CDH18: variants seen among roughly 807,000 people sequenced by gnomAD.
CDH18 encodes the protein cadherin 18.
In CDH18, 31 loss-of-function variants were observed where a neutral mutation model predicts 67.9. That is an observed-to-expected ratio of 0.46 (90% CI 0.34 to 0.62). The LOEUF is 0.62. Among genes scored for constraint, CDH18 ranks in the 20% least tolerant of loss-of-function variants. The pLI, the probability that CDH18 is intolerant of heterozygous loss-of-function variation, is 0.01. For synonymous variants in CDH18, 362 were observed against 347.2 expected (o/e 1.04, Z -0.48); for missense variants, 890 against 975.5 (o/e 0.91, Z 1.17).
chr5:19,544,049 A>C, intron 8 of CDH18, 44 bp from the exon 9 acceptor site: 1 of 1,057,138 alleles, frequency 9.5e-7, no homozygotes, highest in African/African-American at 1.6e-5. Flanking sequence ...TATAATGAAG[A>C]AAATACAACT....
intron 2 of CDH18, among the ~76,000 whole-genome samples, chr5:20,184,416 A>G (rs1046825603): frequency 6.6e-6 from 1 of 152,042 alleles, no homozygotes; most frequent in Non-Finnish European, 1.5e-5. Flanking sequence ...ATTTTGTTTT[A>G]TTTTTGTACT....
intron 2 of CDH18, among the ~76,000 whole-genome samples, chr5:19,902,179 T>C (rs973123341): frequency 3.3e-5 from 5 of 152,164 alleles, no homozygotes; most frequent in African/African-American, 1.2e-4. Context: ...TCTGTAACGG[T>C]AGCATGGTAG....
chr5:19,698,119 A>G (rs145445769), intron 5 of CDH18, among the ~76,000 whole-genome samples: 250 of 152,334 alleles, frequency 1.6e-3, no homozygotes, highest in African/African-American at 5.8e-3. Flanking sequence ...CATTTTACAA[A>G]GATCTGCATC....
At chr5:19,853,794 C>T (rs1412148302) in intron 2 of CDH18, among the ~76,000 whole-genome samples, 1 of 152,080 alleles carries the variant, frequency 6.6e-6, no homozygotes. Flanking sequence ...AACACAGCAG[C>T]TTCACTGAAA....
At chr5:20,517,295 A>C (rs930425574) in intron 1 of CDH18, among the ~76,000 whole-genome samples, 4 of 151,624 alleles carry the variant, frequency 2.6e-5, no homozygotes, top group African/African-American at 4.8e-5. Context: ...TTATTCAAGA[A>C]GACAGGACAT....
At chr5:20,150,113 T>C (rs1277848555) in intron 2 of CDH18, among the ~76,000 whole-genome samples, 1 of 152,156 alleles carries the variant, frequency 6.6e-6, no homozygotes, top group East Asian at 1.9e-4. Flanking sequence ...TATTTTTAAC[T>C]AGGTCTGTGG....
At chr5:19,714,374 T>C (rs900055382) in intron 5 of CDH18, among the ~76,000 whole-genome samples, 1 of 152,140 alleles carries the variant, frequency 6.6e-6, no homozygotes, top group African/African-American at 2.4e-5. Context: ...CAACCACTAA[T>C]GTCTACTAGA....
At chr5:19,764,083 C>T (rs1009506366) in intron 3 of CDH18, among the ~76,000 whole-genome samples, 11 of 146,366 alleles carry the variant, frequency 7.5e-5, no homozygotes, top group African/African-American at 2.3e-4. Flanking sequence ...CAGGAGAAAT[C>T]GCTTGAACCC....
chr5:20,394,270 A>G (rs924425480), intron 1 of CDH18, among the ~76,000 whole-genome samples: 2 of 152,052 alleles, frequency 1.3e-5, no homozygotes, highest in African/African-American at 4.8e-5. Flanking sequence ...GTTACAACCA[A>G]TTTGTCTTCA....
chr5:20,463,732 A>G (rs2150228035), intron 1 of CDH18, among the ~76,000 whole-genome samples: 1 of 152,266 alleles, frequency 6.6e-6, no homozygotes, highest in African/African-American at 2.4e-5. Flanking sequence ...TTAATACGGG[A>G]TTTGAACTTT....
chr5:20,444,526 G>A lies in CDH18; in HGVS notation c.-580+130936C>T, dbSNP rs534379922. On this transcript the variant is annotated intron_variant, in intron 1 of 14. Coordinates refer to the CDH18 transcript ENST00000507958. ...CACTCCAGCCTGGGCAACAGAGCAAGCCTCTGTCTCAAAACAAACAAAACA... is the reference window on the plus strand; with the variant it reads ...CACTCCAGCCTGGGCAACAGAGCAAACCTCTGTCTCAAAACAAACAAAACA... Among the ~76,000 whole-genome samples, 30 of 152,200 alleles carry A rather than the reference G, an allele frequency of 2.0e-4. No homozygotes were observed. The East Asian group carries it at 5.8e-3, about 29-fold the overall frequency.
chr5:19,907,612 A>C (rs991668537), intron 2 of CDH18, among the ~76,000 whole-genome samples: 1 of 152,030 alleles, frequency 6.6e-6, no homozygotes, highest in Non-Finnish European at 1.5e-5. Context: ...AGGATGCTCA[A>C]TCTGAGGTAT....
At chr5:19,646,940 C>T (rs941553812) in intron 5 of CDH18, among the ~76,000 whole-genome samples, 1 of 152,056 alleles carries the variant, frequency 6.6e-6, no homozygotes, top group African/African-American at 2.4e-5. Context: ...AAATAATGAC[C>T]GTTCAGATTT....
At chr5:20,501,246 T>TA (rs1754230070) in intron 1 of CDH18, among the ~76,000 whole-genome samples, 1 of 151,574 alleles carries the variant, frequency 6.6e-6, no homozygotes, top group African/African-American at 2.4e-5. Flanking sequence ...AACTGTGGAA[T>TA]TACTAAAAGC....
At chr5:19,729,856 C>G (rs1043279977) in intron 4 of CDH18, among the ~76,000 whole-genome samples, 1 of 152,170 alleles carries the variant, frequency 6.6e-6, no homozygotes, top group Non-Finnish European at 1.5e-5. Context: ...CTGTCCTGCT[C>G]TGCTCTGCTT....
chr5:20,340,586 G>T (rs1311886679), intron 1 of CDH18, among the ~76,000 whole-genome samples: 2 of 152,140 alleles, frequency 1.3e-5, no homozygotes, highest in East Asian at 3.9e-4. Context: ...TAGGTCACTG[G>T]GTCCAGAGCT....
At chr5:20,066,323 T>C (rs76413231) in intron 2 of CDH18, among the ~76,000 whole-genome samples, 1,751 of 152,212 alleles carry the variant, frequency 0.012, 39 homozygotes, top group African/African-American at 0.04. Context: ...CTACTGATCT[T>C]GATACCAGAA....
At chr5:19,547,537 G>A (rs1240041969) in intron 8 of CDH18, among the ~76,000 whole-genome samples, 1 of 152,146 alleles carries the variant, frequency 6.6e-6, no homozygotes, top group Non-Finnish European at 1.5e-5. Context: ...CTGAAAATAT[G>A]TAGTCTTTTT....
At chr5:20,377,575 T>C (rs1743565778) in intron 1 of CDH18, among the ~76,000 whole-genome samples, 1 of 152,192 alleles carries the variant, frequency 6.6e-6, no homozygotes, top group Non-Finnish European at 1.5e-5. Flanking sequence ...AAATATTTAA[T>C]ACAAATAGGA....
Sources: gnomAD v4.1 joint callset for allele counts (sites outside exome capture counted in the v4.1 genomes callset) on GRCh38, gnomAD v4.1.1 for gene constraint, MANE v1.5 for transcripts, NCBI Gene and HGNC (gene_info 2026-07-23, HGNC 2026-07-21) for gene names.